The following CNTFR variants were observed in gnomAD, a reference collection of about 807,000 sequenced individuals.
The protein encoded by CNTFR is ciliary neurotrophic factor receptor, also known as ciliary neurotrophic factor receptor subunit alpha.
CNTFR carries 12 observed loss-of-function variants against 40.4 expected under a neutral mutation model. The observed-to-expected ratio is 0.30, with a 90% CI of 0.19 to 0.48. The LOEUF is 0.48. Among genes scored for constraint, CNTFR ranks in the 20% least tolerant of loss-of-function variants. The pLI is 0.99. For missense variants in CNTFR, 414 were observed against 506.8 expected, an observed-to-expected ratio of 0.82 and a Z score of 1.76; for synonymous variants, 202 against 209.6, an observed-to-expected ratio of 0.96 and a Z score of 0.31.
chr9:34,557,529 T>C lies in CNTFR; in HGVS notation c.601A>G (p.Ile201Val). 1.2e-6 allele frequency: 2 copies of C among 1,613,766 alleles called. No homozygotes were observed. The highest frequency in any genetic ancestry group is 2.2e-5 in the South Asian group (2 of 91,064). Residue 201 changes from isoleucine to valine, a missense_variant, in exon 6 of 10, where the codon ATT (isoleucine) becomes GTT (valine). Ile to Val is a conservative substitution (Grantham distance 29). This residue lies in a region of CNTFR where 250 missense variants were observed against 269.5 expected (regional missense o/e 0.93). Transcript: ENST00000378980. This position sits in a 1 kb window ranked among gnomAD's most constrained non-coding sequence, Gnocchi z 4.2. ...TCCCCCCAACCGCCACACGTACCAA[T>C]GGTGAACTCGTCAAAGGTGATAGCT... ...ATAITFDEFT[I>V]VKPDPPENVV...
chr9:34,564,716 G>T lies in CNTFR; in HGVS notation c.202C>A (p.Leu68Met). 1 of 1,614,166 alleles carries T rather than the reference G, an allele frequency of 6.2e-7. No individual in the cohort carries two copies. Among genetic ancestry groups the T allele is most frequent in the African/African-American group, 1.3e-5 (1 of 75,056 alleles). The change falls in exon 4 of 10, where the codon CTG (leucine) becomes ATG (methionine). Residue 68 changes from leucine (L) to methionine (M), a missense_variant. Leu to Met is a conservative substitution (Grantham distance 15, BLOSUM62 2). Coordinates refer to ENST00000378980, the MANE Select transcript of CNTFR (RefSeq NM_147164.3). ...RVNGTDLAPD[L>M]LNGSQLVLHG... ...AGCACCAGCTGAGAGCCGTTGAGCA[G>T]GTCAGGGGCCAGGTCTGTCCCATTT...
chr9:34,580,620 G>A (rs570225897), intron 2 of CNTFR, among the ~76,000 whole-genome samples: 1 of 152,296 alleles, frequency 6.6e-6, no homozygotes, highest in Admixed American at 6.5e-5. Context: ...CCCCCAAGCT[G>A]CCAATCCAGG....
upstream of CNTFR, among the ~76,000 whole-genome samples, chr9:34,590,527 G>A (rs979059025): frequency 6.6e-6 from 1 of 152,230 alleles, no homozygotes; most frequent in African/African-American, 2.4e-5. Flanking sequence ...TTCCTTGACC[G>A]GGGATGGACC....
rs369912296 is a variant in CNTFR, at chr9:34,568,987, G to A, written c.1-6C>T. Reference sequence around the variant, plus strand: ...CACGGGACAGGAGCAGCCATCTGTTGGGAGAAACCGGGGTGGGGGAGGGGT... The same window carrying A: ...CACGGGACAGGAGCAGCCATCTGTTAGGAGAAACCGGGGTGGGGGAGGGGT... On this transcript the variant is annotated splice_polypyrimidine_tract_variant and splice_region_variant and intron_variant, in intron 2 of 9. Coordinates refer to ENST00000378980, the MANE Select transcript of CNTFR (RefSeq NM_147164.3). 11 of 1,584,374 alleles carry A rather than the reference G, an allele frequency of 6.9e-6. No individual in the cohort carries two copies. In the African/African-American group the frequency reaches 1.3e-4, roughly 19 times the overall value.
Position 34,552,262 on chromosome 9 carries a change from C to T in CNTFR, c.1017G>A (p.Glu339=). ...PPTTKICDPG[E]LGSGGGPSAP... is the part of the protein sequence containing the mutation. ...CCGAGGGTCCCCCGCCGCTGCCCAG[C>T]TCCCCAGGGTCACAGATCTTCGTGG... Residue 339 remains glutamate (E), a synonymous_variant, in exon 9 of 10, where the codon GAG becomes GAA. Coordinates refer to ENST00000378980, the MANE Select transcript of CNTFR (RefSeq NM_147164.3). The surrounding 1 kb of genome is among the most constrained non-coding windows in gnomAD (Gnocchi z 5.1). 1.9e-6 allele frequency: 3 copies of T among 1,551,718 alleles called. No homozygotes were observed. The highest frequency in any genetic ancestry group is 2.6e-6 in the Non-Finnish European group (3 of 1,149,456).
intron 1 of CNTFR, among the ~76,000 whole-genome samples, chr9:34,584,071 C>T (rs1827442825): frequency 6.6e-6 from 1 of 152,122 alleles, no homozygotes; most frequent in Non-Finnish European, 1.5e-5. Context: ...AGGGCAGTGG[C>T]TCAGAAAAGG....
chr9:34,556,533 A>G, intron 6 of CNTFR, 115 bp from the exon 7 acceptor site: 1 of 1,013,172 alleles, frequency 9.9e-7, no homozygotes, highest in African/African-American at 1.6e-5. Flanking sequence ...TCAACATCAT[A>G]GTCAGCGTGC....
chr9:34,589,998 C>G (rs993203239), upstream of CNTFR: 2 of 152,522 alleles, frequency 1.3e-5, no homozygotes, highest in South Asian at 4.1e-4. The surrounding 1 kb of genome is among the most constrained non-coding windows in gnomAD (Gnocchi z 4.4). Flanking sequence ...AGCCCCCACT[C>G]CCACTCGCCC....
intron 1 of CNTFR, among the ~76,000 whole-genome samples, chr9:34,585,190 A>C (rs1827486251): frequency 6.6e-6 from 1 of 152,202 alleles, no homozygotes; most frequent in African/African-American, 2.4e-5. Context: ...GTCTGTGCCA[A>C]GGGCAGGCAG....
At chr9:34,567,453 C>T (rs142438700) in intron 3 of CNTFR, among the ~76,000 whole-genome samples, 1 of 152,230 alleles carries the variant, frequency 6.6e-6, no homozygotes, top group African/African-American at 2.4e-5. Flanking sequence ...GAAGGACATG[C>T]AGGACAGTCA....
upstream of CNTFR, chr9:34,589,742 C>G (rs2132280760): frequency 6.6e-6 from 1 of 151,684 alleles, no homozygotes; most frequent in South Asian, 1.8e-4. This position sits in a 1 kb window ranked among gnomAD's most constrained non-coding sequence, Gnocchi z 4.4. Flanking sequence ...CTTCAGCGCT[C>G]GGCGGCTTTA....
chr9:34,585,587 C>T (rs1827503910), intron 1 of CNTFR, among the ~76,000 whole-genome samples: 1 of 152,204 alleles, frequency 6.6e-6, no homozygotes, highest in African/African-American at 2.4e-5. Context: ...CAACCGGGCA[C>T]AGCTCTGTGC....
chr9:34,557,844 G>C lies in CNTFR; in HGVS notation c.437+23C>G, dbSNP rs753541676. ...GAGGTCAGAGGTCAGGGCTGGACCC[G>C]GGTCACAGGCGCAGCTACTCACAGC... On this transcript the variant is annotated intron_variant, in intron 5 of 9. Transcript: ENST00000378980. This position sits in a 1 kb window ranked among gnomAD's most constrained non-coding sequence, Gnocchi z 4.2. 6.4e-7 allele frequency: 1 copy of C among 1,552,972 alleles called. No individual in the cohort carries two copies. The highest frequency in any genetic ancestry group is 8.7e-7 in the Non-Finnish European group (1 of 1,143,064).
At chr9:34,576,114 C>T (rs890480045) in intron 2 of CNTFR, among the ~76,000 whole-genome samples, 6 of 152,166 alleles carry the variant, frequency 3.9e-5, no homozygotes, top group Non-Finnish European at 7.4e-5. Context: ...GCTCTCAAAG[C>T]CCCCGCCTCC....
intron 2 of CNTFR, among the ~76,000 whole-genome samples, chr9:34,573,931 G>C (rs1472801152): frequency 1.3e-5 from 2 of 152,248 alleles, no homozygotes; most frequent in Non-Finnish European, 2.9e-5. Flanking sequence ...CGGGGGCAAA[G>C]ACAGGGACAA....
chr9:34,557,382 T>TA lies in CNTFR; in HGVS notation c.604+143dup, dbSNP rs1825890888. ...TATATGTCATGCATATATGTGCACA[T>TA]ATATGTGCACTGTACATACCTGTGC... On this transcript the variant is annotated intron_variant, in intron 6 of 9. Coordinates refer to ENST00000378980, the MANE Select transcript of CNTFR (RefSeq NM_147164.3). This position sits in a 1 kb window ranked among gnomAD's most constrained non-coding sequence, Gnocchi z 4.2. 3.3e-5 allele frequency: 28 copies of TA among 845,938 alleles called. No homozygotes were observed. The South Asian group carries it at 4.0e-4, about 12-fold the overall frequency. The allele number at this position is 845,938 out of a possible 1,614,324, so 52.4% of individuals were successfully genotyped here.
intron 3 of CNTFR, among the ~76,000 whole-genome samples, chr9:34,566,512 C>T (rs1826301242): frequency 6.6e-6 from 1 of 152,158 alleles, no homozygotes; most frequent in African/African-American, 2.4e-5. Flanking sequence ...CTGAGCGCCC[C>T]CAACAGTCCA....
intron 3 of CNTFR, chr9:34,567,939 G>C (rs1385693163): frequency 2.6e-5 from 4 of 152,228 alleles, no homozygotes; most frequent in African/African-American, 9.7e-5. Context: ...GGCTGGCCAG[G>C]ATCTCTCCGG....
At position 34,552,281 on chromosome 9, in the gene CNTFR, T is replaced by G. The variant is rs751157676; in HGVS notation, c.998A>C (p.Lys333Thr). Reference sequence around the variant, plus strand: ...GCCCAGCTCCCCAGGGTCACAGATCTTCGTGGTAGGTGGGGGTGCCAGGGA... The same window carrying G: ...GCCCAGCTCCCCAGGGTCACAGATCGTCGTGGTAGGTGGGGGTGCCAGGGA... ...TSSLAPPPTT[K>T]ICDPGELGSG... The change falls in exon 9 of 10, where the codon AAG (lysine) becomes ACG (threonine). Residue 333 changes from lysine (K) to threonine (T), a missense_variant. Coordinates refer to ENST00000378980, the MANE Select transcript of CNTFR (RefSeq NM_147164.3). This position sits in a 1 kb window ranked among gnomAD's most constrained non-coding sequence, Gnocchi z 5.1. 6 of 1,547,036 alleles carry G rather than the reference T, an allele frequency of 3.9e-6. No homozygotes were observed. The South Asian group carries it at 7.1e-5, about 18-fold the overall frequency.
Sources: gnomAD v4.1 joint callset for allele counts (sites outside exome capture counted in the v4.1 genomes callset) on GRCh38, gnomAD v4.1.1 for gene constraint, gnomAD v4.1.1 regional missense constraint, Gnocchi (gnomAD v3.1) non-coding constraint, MANE v1.5 for transcripts, NCBI Gene and HGNC (gene_info 2026-07-23, HGNC 2026-07-21) for gene names.